The following ADPRHL1 variants were observed in gnomAD, a reference collection of about 807,000 sequenced individuals.
The protein encoded by ADPRHL1 is inactive ADP-ribosyltransferase ARH2.
Under a neutral mutation model 44.1 loss-of-function variants are expected in ADPRHL1, and 43 were observed. The observed-to-expected ratio is 0.98, with a 90% CI of 0.76 to 1.26. The LOEUF is 1.26. Among genes scored for constraint, ADPRHL1 ranks in the 50% most tolerant of loss-of-function variants. The pLI is 0.00. For synonymous variants in ADPRHL1, 878 were observed against 1,017.4 expected, an observed-to-expected ratio of 0.86 and a Z score of 2.61; for missense variants, 2,022 against 2,496.9, an observed-to-expected ratio of 0.81 and a Z score of 4.05.
Position 113,403,028 on chromosome 13 carries a change from G to A in ADPRHL1, c.*350C>T, listed in dbSNP as rs112669829. ...CAGCATCCTGCAGATCGAAGGGGAC[G>A]CACACACCGTGCCACTGCGGGAGGT... On this transcript the variant is annotated 3_prime_UTR_variant, in exon 8 of 8. Transcript: ENST00000612156. 4.5e-4 allele frequency: 80 copies of A among 177,336 alleles called. No individual in the cohort carries two copies. The highest frequency in any genetic ancestry group is 1.5e-3 in the African/African-American group (63 of 42,602). 11.0% of individuals were successfully genotyped at this position (177,336 alleles called of 1,614,324 possible).
chr13:113,432,165 C>G (rs923871354), intron 3 of ADPRHL1, among the ~76,000 whole-genome samples: 1 of 152,180 alleles, frequency 6.6e-6, no homozygotes, highest in African/African-American at 2.4e-5. Context: ...GCCCTGTCGC[C>G]CAGGCTGCAG....
At chr13:113,451,514 C>T (rs187422138) in intron 1 of ADPRHL1, among the ~76,000 whole-genome samples, 2 of 152,246 alleles carry the variant, frequency 1.3e-5, no homozygotes, top group Admixed American at 1.3e-4. Context: ...AACTTACTTC[C>T]TCCTTAAGAA....
At chr13:113,424,953 T>A in intron 5 of ADPRHL1, 99 bp downstream of exon 5, 1 of 1,423,706 alleles carries the variant, frequency 7.0e-7, no homozygotes, top group Non-Finnish European at 9.7e-7. Context: ...TATCCATCCA[T>A]CCATTCACCT....
intron 7 of ADPRHL1, among the ~76,000 whole-genome samples, chr13:113,408,848 A>AG (rs147073492): frequency 7.7e-5 from 9 of 117,478 alleles, no homozygotes; most frequent in East Asian, 2.5e-4. Context: ...GCAGGGGAGG[A>AG]GGGGGCTGCA....
chr13:113,425,252 TGGGGAGGGTGGGGGC>T, intron 4 of ADPRHL1, 73 bp from the exon 5 acceptor site: 1 of 6,356 alleles, frequency 1.6e-4, no homozygotes, highest in Non-Finnish European at 2.8e-4. Flanking sequence ...GAGTTGGGGG[TGGGGAGGGTGGGGGC>T]GTGTGTGTGG....
At position 113,405,837 on chromosome 13, in the gene ADPRHL1, G is replaced by A; in HGVS notation, c.3445C>T (p.Gln1149Ter). The part of the protein sequence containing the change: ...RTAGEPETLG[Q>*]WGSRALSESH... The stretch of plus-strand genomic sequence containing the variant: ...TCGGACAAGGCTCTGCTTCCCCACT[G>A]GCCCAGCGTCTCTGGCTCTCCCGCT... Residue 1149 changes from glutamine to a stop codon, truncating the protein, a stop_gained, in exon 8 of 8, where the codon CAG (glutamine) becomes TAG (stop). Coordinates refer to ENST00000612156, the MANE Select transcript of ADPRHL1 (RefSeq NM_001394807.1). LOFTEE classifies it low-confidence loss of function (END_TRUNC). 8.1e-7 allele frequency: 1 copy of A among 1,231,896 alleles called. No homozygotes were observed. The highest frequency in any genetic ancestry group is 3.2e-5 in the East Asian group (1 of 31,710). 76.3% of individuals were successfully genotyped at this position (1,231,896 alleles called of 1,614,324 possible). A position where few individuals can be genotyped will look rare whatever the true frequency, so the allele number is the denominator to read the frequency against.
At position 113,407,896 on chromosome 13, in the gene ADPRHL1, C is replaced by G. The variant is rs956248839; in HGVS notation, c.1386G>C (p.Pro462=). 76 of 1,231,960 alleles carry G rather than the reference C, an allele frequency of 6.2e-5. No homozygotes were observed. In the Middle Eastern group the frequency reaches 9.3e-4, roughly 15 times the overall value. 76.3% of individuals were successfully genotyped at this position (1,231,960 alleles called of 1,614,324 possible). ...GRLISKDKQG[P]GGGLVGATIN... ...TGGTGGCACCCACGAGGCCCCCACC[C>G]GGCCCCTGCTTGTCCTTGGAGATCA... The change falls in exon 8 of 8, where the codon CCG becomes CCC. Residue 462 remains proline, a synonymous_variant. Coordinates refer to ENST00000612156, the MANE Select transcript of ADPRHL1 (RefSeq NM_001394807.1).
Position 113,405,985 on chromosome 13 carries a change from TGAG to T in ADPRHL1, c.3294_3296del (p.Ser1099del). ...TACCTGGTTTGGGTGGTTCATTTAA[TGAG>T]GACAGTGGGTTCTCGCGAACATCAT... is the stretch of plus-strand genomic sequence containing the variant. On this transcript the variant is annotated inframe_deletion, in exon 8 of 8. Transcript: ENST00000612156. 8.1e-7 allele frequency: 1 copy of T among 1,232,102 alleles called. No homozygotes were observed. The highest frequency in any genetic ancestry group is 1.0e-6 in the Non-Finnish European group (1 of 988,042). The allele number at this position is 1,232,102 out of a possible 1,614,324, so 76.3% of individuals were successfully genotyped here.
chr13:113,399,801 G>C lies in ADPRHL1; in HGVS notation c.*3577C>G, dbSNP rs888730895. On this transcript the variant is annotated 3_prime_UTR_variant, in exon 8 of 8. Transcript: ENST00000612156. The stretch of plus-strand genomic sequence containing the variant: ...AATAGCTGTAGCCTAATACACAACC[G>C]AAAGACCGTAACTCCAACAGCAGAG... 6.6e-6 allele frequency: 1 copy of C among 151,890 alleles called. No individual in the cohort carries two copies. The highest frequency in any genetic ancestry group is 1.5e-5 in the Non-Finnish European group (1 of 67,924). 9.4% of individuals were successfully genotyped at this position (151,890 alleles called of 1,614,324 possible). A position where few individuals can be genotyped will look rare whatever the true frequency, so the allele number is the denominator to read the frequency against.
At position 113,438,586 on chromosome 13, in the gene ADPRHL1, C is replaced by T. The variant is rs552328473; in HGVS notation, c.380-4719G>A. Among the ~76,000 whole-genome samples the T allele has an allele frequency of 3.3e-5, 5 of 152,238 alleles. No homozygotes were observed. The East Asian group carries it at 9.7e-4, about 29-fold the overall frequency. The stretch of plus-strand genomic sequence containing the variant: ...GCACGCACCTGTAGTCCCAGCTACT[C>T]TGGAGGCTGAGGCAGGCGAATTGCT... On this transcript the variant is annotated intron_variant, in intron 2 of 7. Coordinates refer to ENST00000612156, the MANE Select transcript of ADPRHL1 (RefSeq NM_001394807.1).
intron 2 of ADPRHL1, among the ~76,000 whole-genome samples, chr13:113,439,214 C>A (rs1225910570): frequency 6.6e-6 from 1 of 152,058 alleles, no homozygotes; most frequent in Non-Finnish European, 1.5e-5. Context: ...CCTCCGCCTC[C>A]CGGGTTCAAG....
intron 3 of ADPRHL1, among the ~76,000 whole-genome samples, chr13:113,430,976 G>A (rs1239234615): frequency 2.6e-5 from 4 of 152,216 alleles, no homozygotes; most frequent in Non-Finnish European, 5.9e-5. Context: ...AGGGCATGGT[G>A]ATCACCCCTC....
chr13:113,410,380 C>T (rs996050725), intron 7 of ADPRHL1, among the ~76,000 whole-genome samples: 12 of 152,136 alleles, frequency 7.9e-5, no homozygotes, highest in Admixed American at 2.0e-4. Context: ...TGCATTTTAA[C>T]GAGTCCCTGG....
intron 7 of ADPRHL1, among the ~76,000 whole-genome samples, chr13:113,411,348 G>C (rs764985159): frequency 6.6e-6 from 1 of 152,142 alleles, no homozygotes; most frequent in Non-Finnish European, 1.5e-5. Flanking sequence ...CCTTGTCGAG[G>C]CTGAGCGTCT....
intron 1 of ADPRHL1, among the ~76,000 whole-genome samples, chr13:113,452,566 G>T (rs2139658217): frequency 6.6e-6 from 1 of 152,310 alleles, no homozygotes; most frequent in Non-Finnish European, 1.5e-5. Context: ...TGAAATTCAT[G>T]CAAAAGCTTG....
In ADPRHL1 at chr13:113,427,509, G is replaced by A. The variant is rs186655123; in HGVS notation, c.646+1443C>T. ...CTCCCAAAGTGTTGGGATTATAGGC[G>A]TGAGCCACCACGCCCGGCCTCTTTT... On this transcript the variant is annotated intron_variant, in intron 4 of 7. Coordinates refer to ENST00000612156, the MANE Select transcript of ADPRHL1 (RefSeq NM_001394807.1). 5.2e-3 allele frequency among the ~76,000 whole-genome samples: 784 copies of A among 152,072 alleles called. 6 individuals are homozygous for A. Among genetic ancestry groups the A allele is most frequent in the Non-Finnish European group, 7.4e-3 (505 of 67,992 alleles).
rs558989979 is a variant in ADPRHL1, at chr13:113,402,075, A to G, written c.*1303T>C. ...GGCAGAAGATGCCAAGACACCTTCA[A>G]AAAGCAGGAATTAACTTTCCACAGG... is the stretch of plus-strand genomic sequence containing the variant. On this transcript the variant is annotated 3_prime_UTR_variant, in exon 8 of 8. Coordinates refer to ENST00000612156, the MANE Select transcript of ADPRHL1 (RefSeq NM_001394807.1). 1 of 152,326 alleles carries G rather than the reference A, an allele frequency of 6.6e-6. No homozygotes were observed. The highest frequency in any genetic ancestry group is 3.2e-3 in the Middle Eastern group (1 of 316). 9.4% of individuals were successfully genotyped at this position (152,326 alleles called of 1,614,324 possible).
chr13:113,453,397 C>A lies in ADPRHL1; in HGVS notation c.41G>T (p.Gly14Val). Residue 14 changes from glycine to valine, a missense_variant, in exon 1 of 8, where the codon GGC becomes GTC. Coordinates refer to ENST00000612156, the MANE Select transcript of ADPRHL1 (RefSeq NM_001394807.1). This position sits in a 1 kb window ranked among gnomAD's most constrained non-coding sequence, Gnocchi z 5.4. ...FKAAMLLGSV[G>V]DALGYRNVCK... ...GACATTTCTGTAGCCAAGAGCATCG[C>A]CGACGCTCCCCAGCAACATCGCAGC... 6.2e-7 allele frequency: 1 copy of A among 1,614,138 alleles called. No individual in the cohort carries two copies.
intron 7 of ADPRHL1, among the ~76,000 whole-genome samples, chr13:113,408,661 A>T (rs2043826662): frequency 6.6e-6 from 1 of 152,232 alleles, no homozygotes; most frequent in Non-Finnish European, 1.5e-5. Context: ...TAAGTATGAA[A>T]GATAAAATTA....
Sources: gnomAD v4.1 joint callset for allele counts (sites outside exome capture counted in the v4.1 genomes callset) on GRCh38, gnomAD v4.1.1 for gene constraint, Gnocchi (gnomAD v3.1) non-coding constraint, MANE v1.5 for transcripts, NCBI Gene and HGNC (gene_info 2026-07-23, HGNC 2026-07-21) for gene names.